Variants in RIMS1 observed in about 807,000 individuals in gnomAD.
RIMS1 encodes the protein regulating synaptic membrane exocytosis 1.
A neutral mutation model predicts 214.1 loss-of-function variants in RIMS1; 83 were observed. The ratio of observed to expected loss-of-function variants is 0.39; its 90% confidence interval spans 0.32 to 0.47. The LOEUF is 0.47. RIMS1 is among the 20% of genes least tolerant of loss of function. The pLI is 0.99. For missense variants in RIMS1, 2,050 were observed against 2,161.8 expected, an observed-to-expected ratio of 0.95 and a Z score of 1.03; for synonymous variants, 793 against 786.8, an observed-to-expected ratio of 1.01 and a Z score of -0.13.
intron 4 of RIMS1, among the ~76,000 whole-genome samples, chr6:72,115,000 A>G (rs1423304234): frequency 1.3e-5 from 2 of 151,978 alleles, no homozygotes; most frequent in Non-Finnish European, 2.9e-5. Flanking sequence ...GTCCAAATAT[A>G]AATTACCTAC....
chr6:72,260,905 T>C, intron 19 of RIMS1, 138 bp downstream of exon 19: 19 of 1,510,444 alleles, frequency 1.3e-5, no homozygotes, highest in Non-Finnish European at 1.7e-5. Context: ...TGTTTTGTTT[T>C]ATATTGAGGT....
chr6:72,322,296 G>T (rs1365553746), intron 28 of RIMS1, among the ~76,000 whole-genome samples: 1 of 152,108 alleles, frequency 6.6e-6, no homozygotes, highest in Non-Finnish European at 1.5e-5. Flanking sequence ...TCTCAGGTCT[G>T]CCATTCTGTG....
intron 4 of RIMS1, among the ~76,000 whole-genome samples, chr6:72,167,233 A>G (rs931066735): frequency 2.0e-5 from 3 of 151,854 alleles, no homozygotes; most frequent in Non-Finnish European, 4.4e-5. Context: ...TTTTGCATAT[A>G]TATGTGTATA....
intron 4 of RIMS1, among the ~76,000 whole-genome samples, chr6:72,154,829 A>G (rs2044226328): frequency 1.4e-5 from 2 of 139,948 alleles, no homozygotes; most frequent in African/African-American, 4.9e-5. Context: ...TAGTGTTTGA[A>G]CTCCTGGCTC....
intron 2 of RIMS1, 103 bp downstream of exon 2, chr6:71,969,166 T>C: frequency 9.2e-7 from 1 of 1,092,624 alleles, no homozygotes. Context: ...CTCTGGCTGC[T>C]CTTGTATATG....
intron 29 of RIMS1, among the ~76,000 whole-genome samples, chr6:72,384,494 T>G (rs2807513): frequency 0.02 from 3,051 of 152,258 alleles, 86 homozygotes; most frequent in African/African-American, 0.068. Context: ...AACATTATTT[T>G]TTTAGTTCTT....
In RIMS1 at chr6:72,216,531, G is replaced by A. The variant is rs1355289587; in HGVS notation, c.1679-17242G>A. 10 of 985,348 alleles carry A rather than the reference G, an allele frequency of 1.0e-5. No individual in the cohort carries two copies. In the African/African-American group the frequency reaches 1.6e-4, roughly 15 times the overall value. The allele number at this position is 985,348 out of a possible 1,614,324, so 61.0% of individuals were successfully genotyped here. ...ATGCTTTCTGGTGCCAGTTGTCATT[G>A]AGCTGAGTAAGATTCCTCAGTTAGG... On this transcript the variant is annotated intron_variant, in intron 6 of 33. Coordinates refer to ENST00000521978, the MANE Select transcript of RIMS1 (RefSeq NM_014989.7).
chr6:72,368,142 A>G (rs551611409), intron 29 of RIMS1, among the ~76,000 whole-genome samples: 1 of 152,212 alleles, frequency 6.6e-6, no homozygotes, highest in Non-Finnish European at 1.5e-5. Flanking sequence ...AACCAACTGC[A>G]TAAAATGTCC....
At chr6:72,086,616 G>T (rs543226312) in intron 2 of RIMS1, among the ~76,000 whole-genome samples, 1 of 152,244 alleles carries the variant, frequency 6.6e-6, no homozygotes, top group Non-Finnish European at 1.5e-5. Flanking sequence ...AGGAGTGTGG[G>T]TTGTGCAACA....
rs571137744 is a variant in RIMS1 at position 72,182,395 on chromosome 6, G to A, written c.924G>A (p.Arg308=). The change falls in exon 6 of 34, where the codon CGG becomes CGA. Residue 308 remains arginine, a synonymous_variant. Transcript: ENST00000521978. The part of the protein sequence containing the change: ...AQPVEGAVEE[R]ERKERRESRR... The stretch of plus-strand genomic sequence containing the variant: ...CCGTGGAGGGGGCCGTCGAAGAACG[G>A]GAGCGCAAAGAAAGGCGGGAAAGCC... The A allele has an allele frequency of 4.3e-6, 7 of 1,613,934 alleles. No individual in the cohort carries two copies. Among genetic ancestry groups the A allele is most frequent in the Non-Finnish European group, 2.5e-6 (3 of 1,179,888 alleles).
intron 4 of RIMS1, among the ~76,000 whole-genome samples, chr6:72,108,099 G>C (rs1013427370): frequency 2.6e-5 from 4 of 152,024 alleles, no homozygotes; most frequent in Non-Finnish European, 5.9e-5. Flanking sequence ...GCTCACTGCA[G>C]CCTTGACTTC....
At chr6:72,397,295 T>C (rs558027751) in intron 31 of RIMS1, among the ~76,000 whole-genome samples, 30 of 152,312 alleles carry the variant, frequency 2.0e-4, no homozygotes, top group Non-Finnish European at 3.8e-4. Flanking sequence ...CTCATTCTAG[T>C]TGCTAATCTA....
chr6:72,379,069 G>A (rs1454828975), intron 29 of RIMS1, among the ~76,000 whole-genome samples: 2 of 152,160 alleles, frequency 1.3e-5, no homozygotes, highest in East Asian at 3.8e-4. Context: ...TGAAGCTACA[G>A]AACTGAGAGT....
intron 22 of RIMS1, among the ~76,000 whole-genome samples, chr6:72,267,611 A>G (rs959716788): frequency 1.3e-5 from 2 of 151,944 alleles, no homozygotes; most frequent in Non-Finnish European, 2.9e-5. Context: ...TACTTGCACC[A>G]CTCCCACTTT....
chr6:72,272,463 A>G (rs2154190269), intron 22 of RIMS1, among the ~76,000 whole-genome samples: 1 of 152,318 alleles, frequency 6.6e-6, no homozygotes, highest in East Asian at 1.9e-4. Context: ...GGTACTACAT[A>G]TCAGCATATT....
chr6:72,004,106 G>A (rs575351003), intron 2 of RIMS1, among the ~76,000 whole-genome samples: 5 of 145,332 alleles, frequency 3.4e-5, no homozygotes, highest in Admixed American at 7.2e-5. Context: ...ACCTCTGAGT[G>A]AGAACATGAG....
chr6:72,038,468 C>T (rs1448085483), intron 2 of RIMS1, among the ~76,000 whole-genome samples: 4 of 152,040 alleles, frequency 2.6e-5, no homozygotes, highest in South Asian at 4.2e-4. Flanking sequence ...ACTTTAAAGA[C>T]GTGTTAGGGC....
rs188606871 is a variant in RIMS1, at chr6:71,915,347, A to G, written c.164+28160A>G. ...AGGCTGATCCAGAAGAAATCAGTCT[A>G]GTGACATATGAGATAACCTGCCTTT... On this transcript the variant is annotated intron_variant, in intron 1 of 33. Transcript: ENST00000521978. 2.9e-3 allele frequency among the ~76,000 whole-genome samples: 442 copies of G among 152,294 alleles called. 5 individuals are homozygous for G. In the South Asian group the frequency reaches 0.038, roughly 13 times the overall value.
At chr6:71,891,796 T>C (rs755911591) in intron 1 of RIMS1, among the ~76,000 whole-genome samples, 2 of 152,228 alleles carry the variant, frequency 1.3e-5, no homozygotes, top group Non-Finnish European at 2.9e-5. Context: ...ACTTGACTAA[T>C]AGAAGCATAA....
Sources: gnomAD v4.1 joint callset for allele counts (sites outside exome capture counted in the v4.1 genomes callset) on GRCh38, gnomAD v4.1.1 for gene constraint, MANE v1.5 for transcripts, NCBI Gene and HGNC (gene_info 2026-07-23, HGNC 2026-07-21) for gene names.